The following IFI16 variants were observed in gnomAD, a reference collection of about 807,000 sequenced individuals.
IFI16 encodes interferon gamma inducible protein 16, also known as gamma-interferon-inducible protein 16.
A neutral mutation model predicts 68.4 loss-of-function variants in IFI16; 49 were observed. The ratio of observed to expected loss-of-function variants is 0.72; its 90% CI spans 0.57 to 0.91. The LOEUF (loss-of-function observed/expected upper bound fraction) is 0.91, where lower values mean the gene tolerates loss of function less well. IFI16 is among the 40% of genes least tolerant of loss of function. The pLI, the probability that IFI16 is intolerant of heterozygous loss-of-function variation, is 0.00. For missense variants in IFI16, 878 were observed against 942.9 expected, an observed-to-expected ratio of 0.93 and a Z score of 0.90; for synonymous variants, 307 against 315.0, an observed-to-expected ratio of 0.97 and a Z score of 0.27.
intron 4 of IFI16, 46 bp downstream of exon 4, chr1:159,016,746 A>G (rs1652958491): frequency 1.3e-6 from 2 of 1,530,274 alleles, no homozygotes; most frequent in Admixed American, 1.8e-5. Flanking sequence ...TTCAACCCAA[A>G]GTAAAGGACT....
At chr1:159,054,385 A>T (rs965348223) in intron 11 of IFI16, among the ~76,000 whole-genome samples, 1 of 152,218 alleles carries the variant, frequency 6.6e-6, no homozygotes, top group African/African-American at 2.4e-5. Context: ...AGGCACACAC[A>T]TGCTCTCAGA....
rs979798044 is a variant in IFI16 at position 159,032,688 on chromosome 1, C to G, written c.1326C>G (p.Thr442=). The part of the protein sequence containing the change: ...PPTTPSSSFF[T]KKSEDTISKM... ...CAACTCCATCCAGCAGTTTCTTCACCAAGGTACAATTTCCTGGGTCCCATG... is the reference window on the plus strand; with the variant it reads ...CAACTCCATCCAGCAGTTTCTTCACGAAGGTACAATTTCCTGGGTCCCATG... Residue 442 remains threonine (T), a synonymous_variant, in exon 7 of 12, where the codon ACC becomes ACG. Transcript: ENST00000295809. The G allele has an allele frequency of 1.9e-6, 3 of 1,588,496 alleles. No individual in the cohort carries two copies. Among genetic ancestry groups the G allele is most frequent in the Admixed American group, 1.9e-5 (1 of 53,218 alleles).
intron 7 of IFI16, among the ~76,000 whole-genome samples, chr1:159,035,020 C>A (rs2101880902): frequency 6.6e-6 from 1 of 152,274 alleles, no homozygotes; most frequent in South Asian, 2.1e-4. Context: ...GGAGGAAAAG[C>A]AGAAGGATTA....
At chr1:159,010,705 A>G (rs1652495937) in intron 1 of IFI16, among the ~76,000 whole-genome samples, 1 of 152,180 alleles carries the variant, frequency 6.6e-6, no homozygotes, top group Non-Finnish European at 1.5e-5. Context: ...TAATATTTTC[A>G]TAAGTATATT....
rs137907336 is a variant in IFI16 at position 159,031,463 on chromosome 1, A to G, written c.1162-1061A>G. ...CCCTCCTGAAGGACCTTTGTGAGAC[A>G]AAGTCAGTAATGGCTTCCCTGGGGA... On this transcript the variant is annotated intron_variant, in intron 6 of 11. Coordinates refer to ENST00000295809, the MANE Select transcript of IFI16 (RefSeq NM_001376587.1). 4.9e-4 allele frequency among the ~76,000 whole-genome samples: 75 copies of G among 152,338 alleles called. No homozygotes were observed. In the East Asian group the frequency reaches 8.3e-3, roughly 17 times the overall value.
upstream of IFI16, among the ~76,000 whole-genome samples, chr1:159,006,416 C>G (rs190330129): frequency 6.6e-6 from 1 of 152,066 alleles, no homozygotes; most frequent in East Asian, 1.9e-4. Context: ...GGGTCTATGC[C>G]GGACACGAAC....
intron 6 of IFI16, among the ~76,000 whole-genome samples, chr1:159,030,455 G>A (rs1653933497): frequency 1.3e-5 from 2 of 152,138 alleles, no homozygotes. Flanking sequence ...GGACTCAAGG[G>A]CTGCTGTTAG....
At chr1:159,053,814 T>A in intron 11 of IFI16, 90 bp downstream of exon 11, 1 of 970,974 alleles carries the variant, frequency 1.0e-6, no homozygotes, top group Admixed American at 2.3e-5. Flanking sequence ...TTACAGAGAG[T>A]CTAGCAAGTG....
chr1:159,053,233 G>A (rs1655467655), intron 10 of IFI16: 1 of 222,806 alleles, frequency 4.5e-6, no homozygotes, highest in Non-Finnish European at 8.7e-6. Flanking sequence ...CTGTATCCAG[G>A]CTCCTTAAAA....
chr1:159,010,150 A>G lies in IFI16; in HGVS notation c.-32A>G, dbSNP rs1047998457. 1 of 152,160 alleles carries G rather than the reference A, an allele frequency of 6.6e-6. No individual in the cohort carries two copies. Among genetic ancestry groups the G allele is most frequent in the Non-Finnish European group, 1.5e-5 (1 of 68,036 alleles). 9.4% of individuals were successfully genotyped at this position (152,160 alleles called of 1,614,324 possible). On this transcript the variant is annotated 5_prime_UTR_variant, in exon 1 of 12. Coordinates refer to ENST00000295809, the MANE Select transcript of IFI16 (RefSeq NM_001376587.1). ...CAAGATCTGGACTACTGTTGAAAAAATTTCCAGTGAGGTGAGTACTGTTCC... is the reference window on the plus strand; with the variant it reads ...CAAGATCTGGACTACTGTTGAAAAAGTTTCCAGTGAGGTGAGTACTGTTCC...
exon 1 of IFI16, chr1:158,999,995 A>C (rs1321820069): frequency 6.5e-6 from 1 of 153,040 alleles, no homozygotes; most frequent in African/African-American, 2.4e-5. Context: ...CAGAAATGCC[A>C]TGAAAGGAAA....
At position 159,040,261 on chromosome 1, in the gene IFI16, A is replaced by G. The variant is rs16841577; in HGVS notation, c.1330-5036A>G. 1.4e-3 allele frequency among the ~76,000 whole-genome samples: 208 copies of G among 152,336 alleles called. 2 individuals carry two copies. Among genetic ancestry groups the G allele is most frequent in the African/African-American group, 4.8e-3 (198 of 41,578 alleles). On this transcript the variant is annotated intron_variant, in intron 7 of 11. Transcript: ENST00000295809. ...ATCACAGTAAATTTTAAATAGTATA[A>G]TAACATTTTTGTAAGCTCTGAAACT...
chr1:159,005,983 G>A (rs1228026958), upstream of IFI16: 1 of 152,374 alleles, frequency 6.6e-6, no homozygotes, highest in Admixed American at 6.5e-5. Context: ...GACTACTCAG[G>A]CGTGCACTGC....
intron 8 of IFI16, among the ~76,000 whole-genome samples, chr1:159,049,148 ACCAAATAACTCAGT>A (rs1557882118): frequency 6.7e-6 from 1 of 149,798 alleles, no homozygotes; most frequent in Non-Finnish European, 1.5e-5. Context: ...GTTGTACCTG[ACCAAATAACTCAGT>A]CCAGTTTTAC....
In IFI16 at chr1:159,032,566, A is replaced by C. The variant is rs369462428; in HGVS notation, c.1204A>C (p.Met402Leu). 5 of 1,610,828 alleles carry C rather than the reference A, an allele frequency of 3.1e-6. No individual in the cohort carries two copies. Among genetic ancestry groups the C allele is most frequent in the Non-Finnish European group, 2.5e-6 (3 of 1,178,462 alleles). ...TNPRNNDPKS[M>L]KLPQEQRQLP... ...CCCGAGAAACAATGACCCCAAGAGC[A>C]TGAAGCTACCCCAGGAACAGCGTCA... Residue 402 changes from methionine to leucine, a missense_variant, in exon 7 of 12, where the codon ATG becomes CTG. Coordinates refer to ENST00000295809, the MANE Select transcript of IFI16 (RefSeq NM_001376587.1).
chr1:159,022,645 A>G (rs1485064925), intron 6 of IFI16, among the ~76,000 whole-genome samples: 1 of 152,248 alleles, frequency 6.6e-6, no homozygotes, highest in Non-Finnish European at 1.5e-5. Context: ...AGGAAGAGGA[A>G]CAGGCTATGA....
upstream of IFI16, among the ~76,000 whole-genome samples, chr1:159,004,614 A>G (rs1011682470): frequency 2.0e-5 from 3 of 152,164 alleles, no homozygotes; most frequent in Non-Finnish European, 4.4e-5. Context: ...CTGAAGCAGG[A>G]GAATCACTTG....
At chr1:159,046,360 A>G (rs1654985908) in intron 8 of IFI16, among the ~76,000 whole-genome samples, 1 of 151,244 alleles carries the variant, frequency 6.6e-6, no homozygotes, top group African/African-American at 2.4e-5. Flanking sequence ...ATGTTATGGA[A>G]AATTGGCCAC....
intron 6 of IFI16, among the ~76,000 whole-genome samples, chr1:159,022,425 C>T (rs190484121): frequency 3.3e-5 from 5 of 152,252 alleles, no homozygotes; most frequent in Admixed American, 6.5e-5. Flanking sequence ...CAAGAGTATA[C>T]GGAACAAAGG....
Sources: allele counts gnomAD v4.1 joint callset (sites outside exome capture counted in the v4.1 genomes callset), GRCh38; gene constraint gnomAD v4.1.1; transcripts MANE v1.5; gene names NCBI Gene and HGNC (gene_info 2026-07-23, HGNC 2026-07-21).